The following CCSER1 variants were observed in gnomAD, a reference collection of about 807,000 sequenced individuals.
CCSER1 encodes serine-rich coiled-coil domain-containing protein 1.
Under a neutral mutation model 82.0 loss-of-function variants are expected in CCSER1, and 41 were observed. That is an observed-to-expected ratio of 0.50 (90% CI 0.39 to 0.65). The LOEUF (loss-of-function observed/expected upper bound fraction) is 0.65, where lower values mean the gene tolerates loss of function less well. Among genes scored for constraint, CCSER1 ranks in the 30% least tolerant of loss-of-function variants. The pLI, the probability that CCSER1 is intolerant of heterozygous loss-of-function variation, is 0.00. For synonymous variants in CCSER1, 414 were observed against 383.9 expected (o/e 1.08, Z -0.92); for missense variants, 1,119 against 1,064.2 (o/e 1.05, Z -0.72).
intron 9 of CCSER1, among the ~76,000 whole-genome samples, chr4:91,068,803 C>T (rs1721114286): frequency 6.6e-6 from 1 of 152,122 alleles, no homozygotes; most frequent in Non-Finnish European, 1.5e-5. Context: ...TAGGTAAAGG[C>T]CACAACTTTT....
chr4:90,548,170 G>C (rs1433269177), intron 5 of CCSER1, among the ~76,000 whole-genome samples: 1 of 152,106 alleles, frequency 6.6e-6, no homozygotes, highest in Non-Finnish European at 1.5e-5. Context: ...AGAGGGCCAA[G>C]TCTGGATTTG....
intron 1 of CCSER1, among the ~76,000 whole-genome samples, chr4:90,141,781 TAATATGCC>T (rs971098082): frequency 5.3e-5 from 8 of 152,218 alleles, no homozygotes; most frequent in African/African-American, 1.9e-4. Context: ...ATGTCAAGGC[TAATATGCC>T]AAGTTATTAC....
At chr4:91,174,810 T>C (rs949857849) in intron 10 of CCSER1, among the ~76,000 whole-genome samples, 7 of 112,650 alleles carry the variant, frequency 6.2e-5, no homozygotes, top group Non-Finnish European at 1.3e-4. Context: ...TAGTTTTCTT[T>C]GTTTTTCTTT....
At chr4:91,448,811 GA>G (rs547543155) in intron 10 of CCSER1, among the ~76,000 whole-genome samples, 8 of 152,094 alleles carry the variant, frequency 5.3e-5, no homozygotes, top group Middle Eastern at 6.8e-3. Context: ...TACAACAGGG[GA>G]AAAAAATGCA....
intron 8 of CCSER1, among the ~76,000 whole-genome samples, chr4:90,875,122 T>G (rs1767035085): frequency 1.3e-5 from 2 of 152,064 alleles, no homozygotes; most frequent in Admixed American, 6.6e-5. Context: ...TCTTTATTTC[T>G]CTCTCTAGTA....
At chr4:90,932,933 A>C (rs868808271) in intron 9 of CCSER1, among the ~76,000 whole-genome samples, 1 of 32,928 alleles carries the variant, frequency 3.0e-5, no homozygotes, top group East Asian at 5.4e-4. Context: ...AAAGAAAGAA[A>C]GAAAGAAAGA....
chr4:91,219,308 CTTTTTTTT>C (rs59884169), intron 10 of CCSER1, among the ~76,000 whole-genome samples: 1 of 99,896 alleles, frequency 1.0e-5, no homozygotes, highest in Non-Finnish European at 1.9e-5. Context: ...TACAGTTTGG[CTTTTTTTT>C]TTTTTTTTTT....
chr4:91,359,651 G>T (rs1370704086), intron 10 of CCSER1, among the ~76,000 whole-genome samples: 2 of 151,786 alleles, frequency 1.3e-5, no homozygotes, highest in African/African-American at 2.4e-5. Flanking sequence ...TTGATAAAGG[G>T]GTTTCAGGAG....
intron 5 of CCSER1, among the ~76,000 whole-genome samples, chr4:90,597,504 G>A (rs371561231): frequency 1.3e-5 from 2 of 151,874 alleles, no homozygotes; most frequent in African/African-American, 4.8e-5. Context: ...GATAGTGATC[G>A]TAACACCTCC....
chr4:91,060,745 A>G (rs1743884746), intron 9 of CCSER1, among the ~76,000 whole-genome samples: 2 of 152,162 alleles, frequency 1.3e-5, no homozygotes, highest in South Asian at 2.1e-4. Flanking sequence ...TCCTAGTTCA[A>G]CATTTTAAGT....
chr4:91,174,996 C>T (rs1733171148), intron 10 of CCSER1, among the ~76,000 whole-genome samples: 1 of 152,088 alleles, frequency 6.6e-6, no homozygotes, highest in Non-Finnish European at 1.5e-5. Context: ...CAACAGGCCC[C>T]AGTGTGTGAT....
At chr4:91,264,148 A>G (rs1370350278) in intron 10 of CCSER1, among the ~76,000 whole-genome samples, 2 of 151,882 alleles carry the variant, frequency 1.3e-5, no homozygotes, top group East Asian at 3.9e-4. Context: ...TAATTTTTCT[A>G]AAGCACTTTT....
intron 3 of CCSER1, among the ~76,000 whole-genome samples, chr4:90,324,169 C>T (rs1251839932): frequency 6.6e-6 from 1 of 152,154 alleles, no homozygotes; most frequent in Non-Finnish European, 1.5e-5. Context: ...ATTTACAATC[C>T]TTTGGGTATA....
chr4:90,400,381 C>T (rs1752645330), intron 4 of CCSER1, among the ~76,000 whole-genome samples: 1 of 151,902 alleles, frequency 6.6e-6, no homozygotes, highest in African/African-American at 2.4e-5. Context: ...AAAATCTTTC[C>T]AAAATAGGAA....
chr4:90,530,655 C>T (rs1020804448), intron 5 of CCSER1, among the ~76,000 whole-genome samples: 2 of 152,008 alleles, frequency 1.3e-5, no homozygotes, highest in South Asian at 2.1e-4. Flanking sequence ...ACTGTCATGG[C>T]GCTTGTAGGT....
At chr4:91,134,711 T>A (rs1246596838) in intron 10 of CCSER1, among the ~76,000 whole-genome samples, 1 of 152,146 alleles carries the variant, frequency 6.6e-6, no homozygotes, top group Non-Finnish European at 1.5e-5. Context: ...CAATCTTCAA[T>A]GAATGTTAAA....
At chr4:90,612,990 A>G (rs1334437922) in intron 5 of CCSER1, among the ~76,000 whole-genome samples, 1 of 152,120 alleles carries the variant, frequency 6.6e-6, no homozygotes, top group East Asian at 1.9e-4. Flanking sequence ...AATTCTGAGT[A>G]TCCAGGGAAC....
chr4:91,032,052 TG>T (rs771501241), intron 9 of CCSER1, among the ~76,000 whole-genome samples: 1 of 152,064 alleles, frequency 6.6e-6, no homozygotes, highest in Non-Finnish European at 1.5e-5. Flanking sequence ...CCCACCTTAA[TG>T]CACTATATTC....
At chr4:90,771,950 C>T (rs1752244057) in intron 7 of CCSER1, among the ~76,000 whole-genome samples, 1 of 152,012 alleles carries the variant, frequency 6.6e-6, no homozygotes, top group African/African-American at 2.4e-5. Context: ...TATGGATACT[C>T]GAGTTTTGAT....
Sources: gnomAD v4.1 joint callset for allele counts (sites outside exome capture counted in the v4.1 genomes callset) on GRCh38, gnomAD v4.1.1 for gene constraint, MANE v1.5 for transcripts, NCBI Gene and HGNC (gene_info 2026-07-23, HGNC 2026-07-21) for gene names.